Variants in CDKAL1 observed in about 807,000 individuals in gnomAD.
The protein encoded by CDKAL1 is CDKAL1 threonylcarbamoyladenosine tRNA methylthiotransferase.
CDKAL1 carries 32 observed loss-of-function variants against 68.2 expected under a neutral mutation model. The observed-to-expected ratio is 0.47, with a 90% CI of 0.35 to 0.63. The LOEUF is 0.63. Ranked by LOEUF, CDKAL1 falls within the 30% of genes least tolerant of loss-of-function variation. The pLI, the probability that CDKAL1 is intolerant of heterozygous loss-of-function variation, is 0.00. For missense variants in CDKAL1, 606 were observed against 696.7 expected (o/e 0.87, Z 1.47); for synonymous variants, 234 against 244.3 (o/e 0.96, Z 0.39).
At chr6:21,160,529 T>C (rs1313972501) in intron 13 of CDKAL1, among the ~76,000 whole-genome samples, 2 of 149,984 alleles carry the variant, frequency 1.3e-5, no homozygotes, top group South Asian at 2.1e-4. Flanking sequence ...AACTTCTGAC[T>C]TCGTGATCTA....
intron 13 of CDKAL1, among the ~76,000 whole-genome samples, chr6:21,163,587 T>C (rs565952200): frequency 8.5e-5 from 13 of 152,308 alleles, no homozygotes; most frequent in Non-Finnish European, 1.5e-4. Context: ...CCACAGGCGT[T>C]TGTCAGATGA....
chr6:20,935,122 G>A (rs531185686), intron 9 of CDKAL1, among the ~76,000 whole-genome samples: 3 of 152,058 alleles, frequency 2.0e-5, no homozygotes, highest in African/African-American at 4.8e-5. Context: ...TCTTGAACTC[G>A]TGACCTCAAG....
At chr6:21,171,101 A>G (rs747610743) in intron 13 of CDKAL1, among the ~76,000 whole-genome samples, 1 of 152,160 alleles carries the variant, frequency 6.6e-6, no homozygotes, top group Non-Finnish European at 1.5e-5. Context: ...AAAATAATTA[A>G]TCACTATGGT....
intron 11 of CDKAL1, among the ~76,000 whole-genome samples, chr6:21,039,933 T>G (rs1240888399): frequency 6.6e-6 from 1 of 152,248 alleles, no homozygotes; most frequent in African/African-American, 2.4e-5. Flanking sequence ...TTTCAGTGGC[T>G]GATTTTGTGC....
At chr6:20,886,248 G>C (rs565866734) in intron 9 of CDKAL1, among the ~76,000 whole-genome samples, 13 of 152,314 alleles carry the variant, frequency 8.5e-5, no homozygotes, top group African/African-American at 3.1e-4. Context: ...TGTTGGTGAG[G>C]ATGTGGAGAA....
At chr6:20,666,449 T>A (rs775239143) in intron 5 of CDKAL1, among the ~76,000 whole-genome samples, 2 of 150,270 alleles carry the variant, frequency 1.3e-5, no homozygotes, top group Non-Finnish European at 2.9e-5. Context: ...CTGTGTTTTA[T>A]GACCCTCTCC....
At chr6:20,839,350 A>T (rs1005069925) in intron 8 of CDKAL1, among the ~76,000 whole-genome samples, 5 of 152,152 alleles carry the variant, frequency 3.3e-5, no homozygotes, top group African/African-American at 1.2e-4. Flanking sequence ...CTATTTTTTG[A>T]AAAACAGTAA....
At chr6:20,627,683 A>G (rs547422251) in intron 4 of CDKAL1, among the ~76,000 whole-genome samples, 105 of 152,326 alleles carry the variant, frequency 6.9e-4, no homozygotes, top group Admixed American at 1.8e-3. Flanking sequence ...AGAAGAATTG[A>G]TATCTTTACT....
chr6:20,959,651 A>C (rs991488737), intron 10 of CDKAL1, among the ~76,000 whole-genome samples: 1 of 151,870 alleles, frequency 6.6e-6, no homozygotes, highest in Non-Finnish European at 1.5e-5. Context: ...TGTTAATCAG[A>C]CATACTAATA....
At chr6:20,994,509 G>T (rs1279280261) in intron 10 of CDKAL1, among the ~76,000 whole-genome samples, 1 of 152,070 alleles carries the variant, frequency 6.6e-6, no homozygotes, top group African/African-American at 2.4e-5. Context: ...ATGCACTGTG[G>T]TTTCAATCTC....
rs34094116 is a variant in CDKAL1, at chr6:20,930,746, A to ATT, written c.743-24659_743-24658dup. ...TTTATGAGGTACAGGTATTATGTGTATTTTTTTTTTTTTTTGAGACAAGAG... is the reference window on the plus strand; with the variant it reads ...TTTATGAGGTACAGGTATTATGTGTATTTTTTTTTTTTTTTTTGAGACAAGAG... On this transcript the variant is annotated intron_variant, in intron 9 of 15. Coordinates refer to ENST00000274695, the MANE Select transcript of CDKAL1 (RefSeq NM_017774.3). Among the ~76,000 whole-genome samples the ATT allele has an allele frequency of 9.8e-4, 139 of 142,358 alleles. 1 individual carries two copies. The highest frequency in any genetic ancestry group is 1.8e-3 in the South Asian group (8 of 4,450). The allele number at this position is 142,358 out of a possible 152,430, so 93.4% of individuals were successfully genotyped here.
rs775876071 is a variant in CDKAL1 at position 20,546,417 on chromosome 6, A to C, written c.67A>C (p.Lys23Gln). 9 of 1,614,132 alleles carry C rather than the reference A, an allele frequency of 5.6e-6. No homozygotes were observed. The East Asian group carries it at 2.0e-4, about 36-fold the overall frequency. ...IEDIVSQEDS[K>Q]PQDRHFVRKD... ...AGATATCGTGTCTCAGGAAGATTCA[A>C]AACCACAAGATAGGCATTTTGTAAG... The change falls in exon 3 of 16, where the codon AAA becomes CAA. Residue 23 changes from lysine to glutamine, a missense_variant. Transcript: ENST00000274695.
intron 5 of CDKAL1, among the ~76,000 whole-genome samples, chr6:20,657,407 C>A (rs1430027352): frequency 6.6e-6 from 1 of 152,112 alleles, no homozygotes; most frequent in African/African-American, 2.4e-5. Context: ...GACTCTTTAC[C>A]CATGATTGCT....
At chr6:20,823,073 C>G (rs1777352484) in intron 8 of CDKAL1, among the ~76,000 whole-genome samples, 1 of 152,166 alleles carries the variant, frequency 6.6e-6, no homozygotes, top group Non-Finnish European at 1.5e-5. Context: ...CGTTTTCTCT[C>G]TCTCTCTGTC....
intron 5 of CDKAL1, among the ~76,000 whole-genome samples, chr6:20,674,044 A>G (rs1455877896): frequency 6.6e-6 from 1 of 151,882 alleles, no homozygotes; most frequent in Non-Finnish European, 1.5e-5. Context: ...CTAACTGGTT[A>G]TTACTTGTAT....
chr6:20,709,885 C>G (rs62397650), intron 5 of CDKAL1, among the ~76,000 whole-genome samples: 5,608 of 152,086 alleles, frequency 0.037, 110 homozygotes, highest in Middle Eastern at 0.078. Flanking sequence ...AAGAATTTCT[C>G]TATGTTTTTA....
chr6:20,623,972 G>A (rs1213679222), intron 4 of CDKAL1, among the ~76,000 whole-genome samples: 3 of 152,014 alleles, frequency 2.0e-5, no homozygotes, highest in Non-Finnish European at 4.4e-5. Flanking sequence ...CAGAGAATAT[G>A]CTCAATAAAT....
intron 7 of CDKAL1, among the ~76,000 whole-genome samples, chr6:20,763,076 T>C (rs1774538934): frequency 6.6e-6 from 1 of 152,204 alleles, no homozygotes; most frequent in Non-Finnish European, 1.5e-5. Flanking sequence ...CTATTCTCCA[T>C]CTTGATCTGT....
At chr6:20,747,232 A>C (rs2150334241) in intron 6 of CDKAL1, among the ~76,000 whole-genome samples, 1 of 152,330 alleles carries the variant, frequency 6.6e-6, no homozygotes, top group Non-Finnish European at 1.5e-5. Flanking sequence ...TATTTTATTC[A>C]TTCATCCATC....
Sources: gnomAD v4.1 joint callset for allele counts (sites outside exome capture counted in the v4.1 genomes callset) on GRCh38, gnomAD v4.1.1 for gene constraint, MANE v1.5 for transcripts, NCBI Gene and HGNC (gene_info 2026-07-23, HGNC 2026-07-21) for gene names.